MYOCD: variants seen among roughly 807,000 people sequenced by gnomAD.
MYOCD encodes myocardin.
Under a neutral mutation model 96.1 loss-of-function variants are expected in MYOCD, and 32 were observed. That is an observed-to-expected ratio of 0.33 (90% CI 0.25 to 0.45). The LOEUF is 0.45. Ranked by LOEUF, MYOCD falls within the 20% of genes least tolerant of loss-of-function variation. The pLI is 1.00. For synonymous variants in MYOCD, 469 were observed against 469.0 expected (o/e 1.00, Z 0.00); for missense variants, 1,133 against 1,200.6 (o/e 0.94, Z 0.83).
intron 1 of MYOCD, among the ~76,000 whole-genome samples, chr17:12,700,428 T>C (rs1217215758): frequency 4.3e-5 from 6 of 140,874 alleles, no homozygotes; most frequent in African/African-American, 5.4e-5. Context: ...TTTTTTTTTT[T>C]GAGATGGAGT....
rs568109991 is a variant in MYOCD, at chr17:12,760,210, CCTTAAGGACATTACG to C, written c.2332-435_2332-421del. On this transcript the variant is annotated intron_variant, in intron 12 of 13. Transcript: ENST00000425538. Reference sequence around the variant, plus strand: ...TGACACATGTCACAACATAGATCAACCTTAAGGACATTACGCTTAGGGAAATAAGCTAGTTGCAAA... The same window carrying C: ...TGACACATGTCACAACATAGATCAACCTTAGGGAAATAAGCTAGTTGCAAA... The C allele has an allele frequency of 7.0e-4, 130 of 184,746 alleles. 1 individual carries two copies. Among genetic ancestry groups the C allele is most frequent in the African/African-American group, 3.0e-3 (127 of 43,024 alleles). The allele number at this position is 184,746 out of a possible 1,614,324, so 11.4% of individuals were successfully genotyped here.
At chr17:12,738,215 A>C (rs918384627) in intron 6 of MYOCD, among the ~76,000 whole-genome samples, 1 of 152,168 alleles carries the variant, frequency 6.6e-6, no homozygotes, top group African/African-American at 2.4e-5. Flanking sequence ...AGATGAGGAC[A>C]CTGAGGCTCC....
rs1477661826 is a variant in MYOCD, at chr17:12,766,656, C to T, written c.*3012C>T. On this transcript the variant is annotated 3_prime_UTR_variant, in exon 14 of 14. Coordinates refer to ENST00000425538, the MANE Select transcript of MYOCD (RefSeq NM_001146312.3). ...CGTTGTGTCTTTTGTGATGACAAAT[C>T]AGGCATGACTAAAAGATGTACAGAG... The T allele has an allele frequency of 6.6e-6, 1 of 152,146 alleles. No homozygotes were observed. The highest frequency in any genetic ancestry group is 1.5e-5 in the Non-Finnish European group (1 of 68,018). The allele number at this position is 152,146 out of a possible 1,614,324, so 9.4% of individuals were successfully genotyped here. A position where few individuals can be genotyped will look rare whatever the true frequency, so the allele number is the denominator to read the frequency against.
chr17:12,756,038 C>G (rs555973906), intron 10 of MYOCD, among the ~76,000 whole-genome samples: 2 of 152,044 alleles, frequency 1.3e-5, no homozygotes, highest in South Asian at 4.2e-4. Context: ...GGAAGTGTCA[C>G]GTTAAAAAGT....
chr17:12,685,127 C>T (rs1372965226), intron 1 of MYOCD, among the ~76,000 whole-genome samples: 1 of 151,272 alleles, frequency 6.6e-6, no homozygotes, highest in East Asian at 2.0e-4. Flanking sequence ...GAAACCCCAT[C>T]TCTACTAAAA....
chr17:12,709,854 A>G (rs539377605), intron 2 of MYOCD, among the ~76,000 whole-genome samples: 11 of 152,138 alleles, frequency 7.2e-5, no homozygotes, highest in African/African-American at 2.4e-4. Flanking sequence ...CTCTCCTGCA[A>G]TTCTTCTCCC....
intron 8 of MYOCD, 128 bp from the exon 9 acceptor site, chr17:12,745,791 C>A: frequency 1.1e-6 from 1 of 942,974 alleles, no homozygotes; most frequent in Non-Finnish European, 1.6e-6. Flanking sequence ...TTTTCCTCAC[C>A]CTGGTCTCTT....
At chr17:12,739,097 A>G in intron 6 of MYOCD, 106 bp from the exon 7 acceptor site, 1 of 1,309,360 alleles carries the variant, frequency 7.6e-7, no homozygotes, top group Non-Finnish European at 1.0e-6. Context: ...TACTTGGGTG[A>G]GAAGCTAGGA....
chr17:12,752,288 A>G, intron 9 of MYOCD, 126 bp from the exon 10 acceptor site: 1 of 765,142 alleles, frequency 1.3e-6, no homozygotes, highest in Non-Finnish European at 2.1e-6. Flanking sequence ...AATCGGAAAG[A>G]AGTATAAAAA....
In MYOCD at chr17:12,766,951, A is replaced by G. The variant is rs1365206299; in HGVS notation, c.*3307A>G. 6.7e-6 allele frequency: 1 copy of G among 148,798 alleles called. No individual in the cohort carries two copies. Among genetic ancestry groups the G allele is most frequent in the Non-Finnish European group, 1.5e-5 (1 of 67,120 alleles). The allele number at this position is 148,798 out of a possible 1,614,324, so 9.2% of individuals were successfully genotyped here. A position where few individuals can be genotyped will look rare whatever the true frequency, so the allele number is the denominator to read the frequency against. On this transcript the variant is annotated 3_prime_UTR_variant, in exon 14 of 14. Transcript: ENST00000425538. ...ACACATATTCTATTCTAAGGGAGAA[A>G]GAGGGAGGAAGAGAGGGAGGGAGGG...
chr17:12,712,002 C>A (rs1282464279), intron 2 of MYOCD, among the ~76,000 whole-genome samples: 1 of 150,168 alleles, frequency 6.7e-6, no homozygotes, highest in Non-Finnish European at 1.5e-5. Flanking sequence ...TGGCTCACTG[C>A]AACCTCTGCC....
rs1325168653 is a variant in MYOCD at position 12,714,359 on chromosome 17, A to ACACACACC, written c.122-1157_122-1156insACACCCAC. On this transcript the variant is annotated intron_variant, in intron 2 of 13. Coordinates refer to ENST00000425538, the MANE Select transcript of MYOCD (RefSeq NM_001146312.3). The stretch of plus-strand genomic sequence containing the variant: ...CACACACACACACACACACACACAC[A>ACACACACC]CACCCCGATCTGGTCAGAAACCTAA... Among the ~76,000 whole-genome samples the ACACACACC allele has an allele frequency of 4.0e-5, 6 of 149,928 alleles. No individual in the cohort carries two copies. In the East Asian group the frequency reaches 9.7e-4, roughly 24 times the overall value.
intron 1 of MYOCD, among the ~76,000 whole-genome samples, chr17:12,688,112 T>A (rs1188226483): frequency 6.6e-6 from 1 of 152,226 alleles, no homozygotes; most frequent in Non-Finnish European, 1.5e-5. Context: ...CTAGTGTTAT[T>A]GGTTTAGGAC....
rs1909355264 is a variant in MYOCD at position 12,666,030 on chromosome 17, G to T, written c.-159G>T. ...CGAGGGGGGAGGCGCCAGTTTTCTG[G>T]GGACACTGGCTGCCACTGTACTCCT... On this transcript the variant is annotated 5_prime_UTR_variant, in exon 1 of 14. Transcript: ENST00000425538. The T allele has an allele frequency of 1.8e-6, 1 of 562,858 alleles. No individual in the cohort carries two copies. The highest frequency in any genetic ancestry group is 3.2e-5 in the Admixed American group (1 of 31,204). The allele number at this position is 562,858 out of a possible 1,614,324, so 34.9% of individuals were successfully genotyped here.
intron 9 of MYOCD, among the ~76,000 whole-genome samples, chr17:12,752,058 G>C (rs1184006640): frequency 6.6e-6 from 1 of 152,114 alleles, no homozygotes; most frequent in East Asian, 1.9e-4. Context: ...ACTATTGTTG[G>C]AGGGCTTGTG....
chr17:12,692,969 C>G (rs748153732), intron 1 of MYOCD, among the ~76,000 whole-genome samples: 1 of 152,148 alleles, frequency 6.6e-6, no homozygotes, highest in African/African-American at 2.4e-5. Flanking sequence ...TCGCAGCTCC[C>G]GTGTTGTGCA....
At chr17:12,747,545 C>T (rs1324000851) in intron 9 of MYOCD, among the ~76,000 whole-genome samples, 3 of 151,730 alleles carry the variant, frequency 2.0e-5, no homozygotes, top group East Asian at 1.9e-4. Context: ...GACTCATGTG[C>T]GACGTGTGGA....
rs746994927 is a variant in MYOCD at position 12,760,700 on chromosome 17, A to G, written c.2382A>G (p.Glu794=). 1.9e-6 allele frequency: 3 copies of G among 1,613,678 alleles called. 1 individual carries two copies. The South Asian group carries it at 3.3e-5, about 18-fold the overall frequency. Residue 794 remains glutamate, a synonymous_variant, in exon 13 of 14, where the codon GAA becomes GAG. Transcript: ENST00000425538. ...QMDELLDVLI[E]SGEMPADARE... is the part of the protein sequence containing the mutation. ...ATGAACTCCTGGACGTGCTTATTGA[A>G]AGCGGAGGTAAGACTGCCTGTGTCC...
In MYOCD at chr17:12,765,218, G is replaced by C. The variant is rs916199092; in HGVS notation, c.*1574G>C. ...CTCTGTAAGGCTCTCTGTGGCTCCA[G>C]TTCACCATTTTATATTGTTGCATGC... On this transcript the variant is annotated 3_prime_UTR_variant, in exon 14 of 14. Coordinates refer to ENST00000425538, the MANE Select transcript of MYOCD (RefSeq NM_001146312.3). 2.0e-5 allele frequency: 3 copies of C among 151,740 alleles called. No homozygotes were observed. The East Asian group carries it at 5.8e-4, about 29-fold the overall frequency. The allele number at this position is 151,740 out of a possible 1,614,324, so 9.4% of individuals were successfully genotyped here. A position where few individuals can be genotyped will look rare whatever the true frequency, so the allele number is the denominator to read the frequency against.
Sources: gnomAD v4.1 joint callset for allele counts (sites outside exome capture counted in the v4.1 genomes callset) on GRCh38, gnomAD v4.1.1 for gene constraint, MANE v1.5 for transcripts, NCBI Gene and HGNC (gene_info 2026-07-23, HGNC 2026-07-21) for gene names.